TENT4B: variants seen among roughly 807,000 people sequenced by gnomAD.
The protein encoded by TENT4B is terminal nucleotidyltransferase 4B, also known as PAP associated domain containing 5.
Under a neutral mutation model 75.0 loss-of-function variants are expected in TENT4B, and 10 were observed. The observed-to-expected ratio is 0.13, with a 90% CI of 0.08 to 0.23. The LOEUF is 0.23. Among genes scored for constraint, TENT4B ranks in the 10% least tolerant of loss-of-function variants. The pLI, the probability that TENT4B is intolerant of heterozygous loss-of-function variation, is 1.00. For synonymous variants in TENT4B, 350 were observed against 357.7 expected, an observed-to-expected ratio of 0.98 and a Z score of 0.24; for missense variants, 579 against 893.8, an observed-to-expected ratio of 0.65 and a Z score of 4.49.
Position 50,233,160 on chromosome 16 carries a change from C to A in TENT4B, c.*3832C>A. On this transcript the variant is annotated 3_prime_UTR_variant, in exon 12 of 12. Coordinates refer to ENST00000561678, the MANE Select transcript of TENT4B (RefSeq NM_001365324.3). ...AGTTACTGTTGATAGTAATTTTCATCAGGGTCATAGTTCATCTAGTAAAAT... is the reference window on the plus strand; with the variant it reads ...AGTTACTGTTGATAGTAATTTTCATAAGGGTCATAGTTCATCTAGTAAAAT... 6 of 984,234 alleles carry A rather than the reference C, an allele frequency of 6.1e-6. No individual in the cohort carries two copies. Among genetic ancestry groups the A allele is most frequent in the Non-Finnish European group, 7.2e-6 (6 of 828,912 alleles). 61.0% of individuals were successfully genotyped at this position (984,234 alleles called of 1,614,324 possible).
Position 50,234,157 on chromosome 16 carries a change from T to C in TENT4B, c.*4829T>C. ...ATAGTACCAGTGAGAAACTATGAAG[T>C]AAACAAGTTGCTCAGGCCGGGCATG... is the stretch of plus-strand genomic sequence containing the variant. On this transcript the variant is annotated 3_prime_UTR_variant, in exon 12 of 12. Coordinates refer to ENST00000561678, the MANE Select transcript of TENT4B (RefSeq NM_001365324.3). The C allele has an allele frequency of 1.0e-6, 1 of 985,432 alleles. No individual in the cohort carries two copies. The highest frequency in any genetic ancestry group is 1.2e-6 in the Non-Finnish European group (1 of 829,956). 61.0% of individuals were successfully genotyped at this position (985,432 alleles called of 1,614,324 possible). A position where few individuals can be genotyped will look rare whatever the true frequency, so the allele number is the denominator to read the frequency against.
At chr16:50,193,590 G>A (rs759399211) in intron 1 of TENT4B, among the ~76,000 whole-genome samples, 6 of 151,866 alleles carry the variant, frequency 4.0e-5, no homozygotes, top group East Asian at 1.9e-4. Context: ...CACCTGCCTC[G>A]GCCTCCCAAA....
intron 1 of TENT4B, among the ~76,000 whole-genome samples, chr16:50,208,546 AT>A (rs1483889120): frequency 6.6e-6 from 1 of 152,164 alleles, no homozygotes; most frequent in Non-Finnish European, 1.5e-5. Flanking sequence ...GCTCTGAATC[AT>A]TCATCTGGAA....
Position 50,154,038 on chromosome 16 carries a change from G to C in TENT4B, c.417G>C (p.Pro139=). 3 of 1,531,582 alleles carry C rather than the reference G, an allele frequency of 2.0e-6. No homozygotes were observed. Among genetic ancestry groups the C allele is most frequent in the Non-Finnish European group, 2.6e-6 (3 of 1,145,080 alleles). 94.9% of individuals were successfully genotyped at this position (1,531,582 alleles called of 1,614,324 possible). Residue 139 remains proline (P), a synonymous_variant, in exon 1 of 12, where the codon CCG becomes CCC. Coordinates refer to ENST00000561678, the MANE Select transcript of TENT4B (RefSeq NM_001365324.3). The stretch of plus-strand genomic sequence containing the variant: ...CGCCTCCCTCGGCGTCCTCGTCCCC[G>C]CACCCTTCGGCCGCCGTCCCCGCCG... ...ASSPPSASSS[P]HPSAAVPAAD...
Position 50,217,631 on chromosome 16 carries a change from A to G in TENT4B, c.1006A>G (p.Arg336Gly). 1 of 1,534,914 alleles carries G rather than the reference A, an allele frequency of 6.5e-7. No individual in the cohort carries two copies. Among genetic ancestry groups the G allele is most frequent in the Non-Finnish European group, 8.7e-7 (1 of 1,143,074 alleles). ...DISFNVQNGV[R>G]AADLIKDFTK... Reference sequence around the variant, plus strand: ...CAGCTTTAATGTACAGAATGGCGTGAGAGCAGCTGACCTCATCAAAGATTT... The same window carrying G: ...CAGCTTTAATGTACAGAATGGCGTGGGAGCAGCTGACCTCATCAAAGATTT... Residue 336 changes from arginine to glycine, a missense_variant, in exon 5 of 12, where the codon AGA (arginine) becomes GGA (glycine). Arg to Gly is a moderately radical substitution (Grantham distance 125). Transcript: ENST00000561678.
intron 6 of TENT4B, 79 bp downstream of exon 6, chr16:50,222,513 A>T: frequency 6.7e-7 from 1 of 1,500,062 alleles, no homozygotes; most frequent in Non-Finnish European, 9.0e-7. Context: ...TTTGGAAAAA[A>T]TCGAAATCAA....
intron 1 of TENT4B, among the ~76,000 whole-genome samples, chr16:50,190,378 A>G (rs1344171586): frequency 6.6e-6 from 1 of 152,048 alleles, no homozygotes; most frequent in Non-Finnish European, 1.5e-5. Flanking sequence ...GACATTAAGT[A>G]CAGTCCCAGT....
At chr16:50,208,024 C>CCTGAGTA (rs2031079334) in intron 1 of TENT4B, among the ~76,000 whole-genome samples, 3 of 152,340 alleles carry the variant, frequency 2.0e-5, no homozygotes, top group Admixed American at 2.0e-4. Flanking sequence ...GAGTATTTCA[C>CCTGAGTA]ACGTAGCTAG....
Position 50,154,171 on chromosome 16 carries a change from G to A in TENT4B, c.550G>A (p.Ala184Thr). 1 of 1,512,726 alleles carries A rather than the reference G, an allele frequency of 6.6e-7. No individual in the cohort carries two copies. The highest frequency in any genetic ancestry group is 1.2e-5 in the South Asian group (1 of 80,602). 93.7% of individuals were successfully genotyped at this position (1,512,726 alleles called of 1,614,324 possible). The change falls in exon 1 of 12, where the codon GCC becomes ACC. Residue 184 changes from alanine (A) to threonine (T), a missense_variant. This residue lies in a region of TENT4B where 253 missense variants were observed against 270.1 expected (regional missense o/e 0.94). Transcript: ENST00000561678. ...CCTGCTGCAGCCCAGCGGAGGGCGGGCCGCGGGGGGCGGCCGAGCAGACGG... is the reference window on the plus strand; with the variant it reads ...CCTGCTGCAGCCCAGCGGAGGGCGGACCGCGGGGGGCGGCCGAGCAGACGG... ...YSLLQPSGGRAAGGGRADGGG... is the reference protein window; with the variant it reads ...YSLLQPSGGRTAGGGRADGGG...
At chr16:50,218,297 C>T (rs893825666) in intron 5 of TENT4B, among the ~76,000 whole-genome samples, 54 of 152,058 alleles carry the variant, frequency 3.6e-4, no homozygotes, top group Non-Finnish European at 2.2e-4. Flanking sequence ...ACCCATTTCC[C>T]ATATGCCCCA....
In TENT4B at chr16:50,232,358, G is replaced by A. The variant is rs2032322468; in HGVS notation, c.*3030G>A. On this transcript the variant is annotated 3_prime_UTR_variant, in exon 12 of 12. Coordinates refer to ENST00000561678, the MANE Select transcript of TENT4B (RefSeq NM_001365324.3). Reference sequence around the variant, plus strand: ...CTGTTTTATTTTTATCCTGTTTTGAGTGTACTTTACCTTTACTTGCATTTT... The same window carrying A: ...CTGTTTTATTTTTATCCTGTTTTGAATGTACTTTACCTTTACTTGCATTTT... 1.0e-6 allele frequency: 1 copy of A among 985,196 alleles called. No individual in the cohort carries two copies. The allele number at this position is 985,196 out of a possible 1,614,324, so 61.0% of individuals were successfully genotyped here.
chr16:50,158,557 G>A (rs1053605217), intron 1 of TENT4B, among the ~76,000 whole-genome samples: 8 of 152,170 alleles, frequency 5.3e-5, no homozygotes, highest in African/African-American at 1.7e-4. Context: ...AGAAAGAGGG[G>A]ATGGCAAGAA....
intron 1 of TENT4B, among the ~76,000 whole-genome samples, chr16:50,184,743 G>T (rs181681656): frequency 4.6e-5 from 7 of 150,772 alleles, no homozygotes; most frequent in Non-Finnish European, 7.4e-5. Flanking sequence ...TTTGTTTGTG[G>T]GGGGAGCGGA....
At chr16:50,200,563 G>A (rs2030573042) in intron 1 of TENT4B, among the ~76,000 whole-genome samples, 1 of 152,016 alleles carries the variant, frequency 6.6e-6, no homozygotes, top group Admixed American at 6.6e-5. Context: ...CAGTGTTCTG[G>A]ATTTTGAATA....
At chr16:50,169,022 C>T (rs1000007685) in intron 1 of TENT4B, among the ~76,000 whole-genome samples, 1 of 152,230 alleles carries the variant, frequency 6.6e-6, no homozygotes, top group Admixed American at 6.5e-5. Flanking sequence ...AATCGTAACA[C>T]CATTATTAAT....
At position 50,233,669 on chromosome 16, in the gene TENT4B, GTCTC is replaced by G. The variant is rs1474131714; in HGVS notation, c.*4344_*4347del. 10 of 975,086 alleles carry G rather than the reference GTCTC, an allele frequency of 1.0e-5. No homozygotes were observed. Among genetic ancestry groups the G allele is most frequent in the African/African-American group, 5.3e-5 (3 of 56,164 alleles). 60.4% of individuals were successfully genotyped at this position (975,086 alleles called of 1,614,324 possible). A position where few individuals can be genotyped will look rare whatever the true frequency, so the allele number is the denominator to read the frequency against. On this transcript the variant is annotated 3_prime_UTR_variant, in exon 12 of 12. Transcript: ENST00000561678. Reference sequence around the variant, plus strand: ...ATAAACTGCTAATGTTTATTTTACTGTCTCTCAGGTTTTTGGTTTTTTTAAAAAA... The same window carrying G: ...ATAAACTGCTAATGTTTATTTTACTGTCAGGTTTTTGGTTTTTTTAAAAAA...
At chr16:50,181,044 A>G (rs547877979) in intron 1 of TENT4B, among the ~76,000 whole-genome samples, 17 of 152,390 alleles carry the variant, frequency 1.1e-4, no homozygotes, top group Admixed American at 5.2e-4. Flanking sequence ...CATTATTGTA[A>G]TGAAGTGAAG....
intron 3 of TENT4B, among the ~76,000 whole-genome samples, 161 bp downstream of exon 3, chr16:50,214,428 G>C (rs2031445124): frequency 6.6e-6 from 1 of 152,126 alleles, no homozygotes; most frequent in African/African-American, 2.4e-5. Flanking sequence ...GGCCAAGGAG[G>C]GTGGATCATT....
chr16:50,190,632 A>G (rs529500641), intron 1 of TENT4B, among the ~76,000 whole-genome samples: 76 of 152,182 alleles, frequency 5.0e-4, no homozygotes, highest in Non-Finnish European at 8.8e-4. Flanking sequence ...TTTTATGTCC[A>G]TTGTATGGAT....
Sources: allele counts gnomAD v4.1 joint callset (sites outside exome capture counted in the v4.1 genomes callset), GRCh38; gene constraint gnomAD v4.1.1; regional missense constraint gnomAD v4.1.1; transcripts MANE v1.5; gene names NCBI Gene and HGNC (gene_info 2026-07-23, HGNC 2026-07-21).